WNT5B: variants seen among roughly 807,000 people sequenced by gnomAD.
WNT5B encodes the protein protein Wnt-5b.
In WNT5B, 18 loss-of-function variants were observed where a neutral mutation model predicts 36.5. The observed-to-expected ratio is 0.49, with a 90% CI of 0.34 to 0.73. The LOEUF is 0.73. WNT5B is among the 30% of genes least tolerant of loss of function. WNT5B has a pLI of 0.01. For synonymous variants in WNT5B, 213 were observed against 212.3 expected, an observed-to-expected ratio of 1.00 and a Z score of -0.03; for missense variants, 424 against 508.4, an observed-to-expected ratio of 0.83 and a Z score of 1.60.
intron 3 of WNT5B, among the ~76,000 whole-genome samples, chr12:1,636,020 T>G (rs1236184314): frequency 6.6e-6 from 1 of 152,202 alleles, no homozygotes; most frequent in Non-Finnish European, 1.5e-5. Flanking sequence ...GATTGCAGAC[T>G]GCTTCCCTTT....
rs761730416 is a variant in WNT5B at position 1,646,027 on chromosome 12, C to T, written c.855C>T (p.Pro285=). 7 of 1,612,926 alleles carry T rather than the reference C, an allele frequency of 4.3e-6. No individual in the cohort carries two copies. Among genetic ancestry groups the T allele is most frequent in the South Asian group, 3.3e-5 (3 of 91,074 alleles). ...PEDLVYVDPS[P]DYCLRNESTG... is the part of the protein sequence containing the mutation. Reference sequence around the variant, plus strand: ...ACCTGGTCTATGTGGACCCCAGCCCCGACTACTGCCTGCGCAACGAGAGCA... The same window carrying T: ...ACCTGGTCTATGTGGACCCCAGCCCTGACTACTGCCTGCGCAACGAGAGCA... The change falls in exon 5 of 5, where the codon CCC becomes CCT. Residue 285 remains proline, a synonymous_variant. Transcript: ENST00000397196.
chr12:1,619,046 G>C (rs1406406359), intron 1 of WNT5B, among the ~76,000 whole-genome samples: 1 of 151,970 alleles, frequency 6.6e-6, no homozygotes, highest in Non-Finnish European at 1.5e-5. Flanking sequence ...TCTGGGGAAG[G>C]GTAGTTTAGC....
In WNT5B at chr12:1,618,711, GA is replaced by G. The variant is rs1215311181; in HGVS notation, c.-58+1572del. Among the ~76,000 whole-genome samples the G allele has an allele frequency of 1.3e-5, 2 of 152,160 alleles. No individual in the cohort carries two copies. The highest frequency in any genetic ancestry group is 3.9e-4 in the East Asian group (2 of 5,184). ...TGGACTTTTGCTTGATACCTGGGGA[GA>G]AAATTGTGCTTTTCCAAGTAAGATG... On this transcript the variant is annotated intron_variant, in intron 1 of 4. Coordinates refer to the WNT5B transcript ENST00000310594. This position sits in a 1 kb window ranked among gnomAD's most constrained non-coding sequence, Gnocchi z 4.1.
chr12:1,623,065 C>A (rs1400369083), intron 1 of WNT5B, among the ~76,000 whole-genome samples: 3 of 151,488 alleles, frequency 2.0e-5, no homozygotes, highest in Non-Finnish European at 4.4e-5. Flanking sequence ...TAAAGCACAG[C>A]ATGAAATCCT....
At chr12:1,622,866 A>G (rs2094535744) in intron 1 of WNT5B, among the ~76,000 whole-genome samples, 1 of 152,232 alleles carries the variant, frequency 6.6e-6, no homozygotes, top group African/African-American at 2.4e-5. Context: ...GAAGCTAGAA[A>G]TAGAATGATG....
At chr12:1,642,195 C>G (rs544344522) in intron 4 of WNT5B, among the ~76,000 whole-genome samples, 1 of 152,342 alleles carries the variant, frequency 6.6e-6, no homozygotes, top group African/African-American at 2.4e-5. Flanking sequence ...GCCACCCGGT[C>G]TCTCAGGTGT....
At chr12:1,640,057 C>T in intron 4 of WNT5B, 81 bp downstream of exon 4, 3 of 1,485,716 alleles carry the variant, frequency 2.0e-6, no homozygotes, top group Non-Finnish European at 1.8e-6. Context: ...CGTGGCCTGG[C>T]CTTCAAGGAA....
upstream of WNT5B, chr12:1,629,104 G>A (rs534772751): frequency 1.3e-5 from 2 of 152,252 alleles, no homozygotes; most frequent in African/African-American, 2.4e-5. Context: ...GCCCGGGGCG[G>A]GGGATGGAGT....
At chr12:1,624,531 T>C (rs928959930), upstream of WNT5B, among the ~76,000 whole-genome samples, 5 of 152,154 alleles carry the variant, frequency 3.3e-5, no homozygotes, top group African/African-American at 4.8e-5. Flanking sequence ...AATTTTAGTT[T>C]CCCTGTTTTC....
Position 1,630,138 on chromosome 12 carries a change from G to C in WNT5B, c.-58+767G>C. The C allele has an allele frequency of 2.0e-6, 2 of 985,582 alleles. No homozygotes were observed. The highest frequency in any genetic ancestry group is 9.4e-5 in the South Asian group (2 of 21,292). 61.1% of individuals were successfully genotyped at this position (985,582 alleles called of 1,614,324 possible). ...ATACTTCCCGGGCTGATGACCCGAA[G>C]CACCCGCCGCCCCCTCCCGGGGAGC... On this transcript the variant is annotated intron_variant, in intron 1 of 4. Transcript: ENST00000397196. This position sits in a 1 kb window ranked among gnomAD's most constrained non-coding sequence, Gnocchi z 5.3.
At chr12:1,620,221 CT>C (rs1291634087) in intron 1 of WNT5B, among the ~76,000 whole-genome samples, 1 of 152,214 alleles carries the variant, frequency 6.6e-6, no homozygotes, top group African/African-American at 2.4e-5. Context: ...AGCCCCCTCC[CT>C]TGGAAACCAC....
chr12:1,641,573 C>T (rs562535107), intron 4 of WNT5B, among the ~76,000 whole-genome samples: 25 of 152,098 alleles, frequency 1.6e-4, no homozygotes, highest in African/African-American at 5.8e-4. Context: ...GAGGCTGAGG[C>T]GGGTGGATCA....
chr12:1,623,381 GA>G (rs954108259), intron 1 of WNT5B, among the ~76,000 whole-genome samples: 14 of 150,918 alleles, frequency 9.3e-5, no homozygotes, highest in Non-Finnish European at 1.5e-4. Flanking sequence ...ATTTTTAGTA[GA>G]GATGAGGTTT....
At chr12:1,627,882 T>C (rs571723614), upstream of WNT5B, among the ~76,000 whole-genome samples, 11 of 152,298 alleles carry the variant, frequency 7.2e-5, no homozygotes, top group South Asian at 2.3e-3. This position sits in a 1 kb window ranked among gnomAD's most constrained non-coding sequence, Gnocchi z 5.0. Context: ...ATTTTCCTCA[T>C]AGTATTCACT....
In WNT5B at chr12:1,633,013, G is replaced by C. The variant is rs2094553931; in HGVS notation, c.328+108G>C. On this transcript the variant is annotated intron_variant, in intron 3 of 4. Coordinates refer to ENST00000397196, the MANE Select transcript of WNT5B (RefSeq NM_032642.3). This position sits in a 1 kb window ranked among gnomAD's most constrained non-coding sequence, Gnocchi z 4.8. ...CAGGGAGAGCCCAAAGGCAGCCTAA[G>C]TGGGCTCTCTCTAGGCTTGGCAGCA... 1.4e-6 allele frequency: 2 copies of C among 1,476,308 alleles called. No homozygotes were observed. Among genetic ancestry groups the C allele is most frequent in the Non-Finnish European group, 1.8e-6 (2 of 1,107,588 alleles). 91.5% of individuals were successfully genotyped at this position (1,476,308 alleles called of 1,614,324 possible).
At position 1,633,491 on chromosome 12, in the gene WNT5B, C is replaced by A. The variant is rs1448421383; in HGVS notation, c.328+586C>A. On this transcript the variant is annotated intron_variant, in intron 3 of 4. Coordinates refer to ENST00000397196, the MANE Select transcript of WNT5B (RefSeq NM_032642.3). This position sits in a 1 kb window ranked among gnomAD's most constrained non-coding sequence, Gnocchi z 4.8. ...GAAAGAAAAGATGAGAGGGAGAGGGCCAAGTCTTCTGGATTCCTGTCCCTT... is the reference window on the plus strand; with the variant it reads ...GAAAGAAAAGATGAGAGGGAGAGGGACAAGTCTTCTGGATTCCTGTCCCTT... Among the ~76,000 whole-genome samples, 1 of 152,106 alleles carries A rather than the reference C, an allele frequency of 6.6e-6. No individual in the cohort carries two copies. The highest frequency in any genetic ancestry group is 1.5e-5 in the Non-Finnish European group (1 of 68,018).
chr12:1,623,462 TG>T (rs796285256), intron 1 of WNT5B, among the ~76,000 whole-genome samples: 10 of 152,216 alleles, frequency 6.6e-5, no homozygotes, highest in African/African-American at 2.4e-4. Context: ...CCCAAAGTGC[TG>T]GGATTACAGG....
intron 2 of WNT5B, 91 bp downstream of exon 2, chr12:1,631,525 G>C: frequency 6.3e-7 from 1 of 1,589,556 alleles, no homozygotes; most frequent in South Asian, 1.1e-5. Flanking sequence ...TGTCACGGTA[G>C]TACCTTGATT....
At chr12:1,621,814 GGATTACA>G (rs1447923210) in intron 1 of WNT5B, among the ~76,000 whole-genome samples, 1 of 151,910 alleles carries the variant, frequency 6.6e-6, no homozygotes, top group East Asian at 1.9e-4. Context: ...CAAAGTGCTG[GGATTACA>G]GATGTGAGCC....
Sources: gnomAD v4.1 joint callset for allele counts (sites outside exome capture counted in the v4.1 genomes callset) on GRCh38, gnomAD v4.1.1 for gene constraint, Gnocchi (gnomAD v3.1) non-coding constraint, MANE v1.5 for transcripts, NCBI Gene and HGNC (gene_info 2026-07-23, HGNC 2026-07-21) for gene names.